The following PPL variants were observed in gnomAD, a reference collection of about 807,000 sequenced individuals.
The protein encoded by PPL is periplakin.
In PPL, 198 loss-of-function variants were observed where a neutral mutation model predicts 194.4. That is an observed-to-expected ratio of 1.02 (90% CI 0.91 to 1.15). PPL has a LOEUF of 1.15. Among genes scored for constraint, PPL ranks in the 50% most tolerant of loss-of-function variants. The pLI is 0.00. For synonymous variants in PPL, 1,220 were observed against 972.4 expected (o/e 1.25, Z -4.74); for missense variants, 2,885 against 2,294.8 (o/e 1.26, Z -5.25).
In PPL at chr16:4,905,860, T is replaced by G. The variant is rs190056405; in HGVS notation, c.163-1820A>C. Among the ~76,000 whole-genome samples, 242 of 152,204 alleles carry G rather than the reference T, an allele frequency of 1.6e-3. 2 individuals are homozygous for G. The highest frequency in any genetic ancestry group is 5.3e-3 in the African/African-American group (219 of 41,536). On this transcript the variant is annotated intron_variant, in intron 2 of 21. Coordinates refer to ENST00000345988, the MANE Select transcript of PPL (RefSeq NM_002705.5). ...TGGCTCATATCTGTAATCTTAACAC[T>G]TTGGGGGGCTGTGGCAGGAGGATGG...
chr16:4,888,925 G>A (rs1016325075), intron 19 of PPL, 53 bp downstream of exon 19: 90 of 1,552,720 alleles, frequency 5.8e-5, no homozygotes, highest in Non-Finnish European at 7.9e-5. Flanking sequence ...ACCAGGGCAC[G>A]GTGGAATAAG....
At chr16:4,910,024 C>A (rs1336221546) in intron 2 of PPL, among the ~76,000 whole-genome samples, 1 of 152,118 alleles carries the variant, frequency 6.6e-6, no homozygotes, top group East Asian at 1.9e-4. Flanking sequence ...CTCCAGGGTA[C>A]AAAACAGGCA....
At chr16:4,898,401 G>A (rs969160457) in intron 8 of PPL, among the ~76,000 whole-genome samples, 1 of 152,182 alleles carries the variant, frequency 6.6e-6, no homozygotes, top group East Asian at 1.9e-4. Flanking sequence ...TGGCATTGTG[G>A]GGGTTGGGAA....
At chr16:4,897,871 G>A (rs2088465603) in intron 8 of PPL, 101 bp from the exon 9 acceptor site, 7 of 867,836 alleles carry the variant, frequency 8.1e-6, no homozygotes, top group Non-Finnish European at 1.1e-5. Context: ...GGGGAGGGAG[G>A]CATCTGGCAT....
chr16:4,913,836 G>T (rs539364396), intron 1 of PPL, among the ~76,000 whole-genome samples: 1 of 152,254 alleles, frequency 6.6e-6, no homozygotes, highest in Non-Finnish European at 1.5e-5. Context: ...TAGGCACGCA[G>T]AAGTTGCCTT....
chr16:4,891,325 C>T (rs148062485), intron 16 of PPL: 2,284 of 177,782 alleles, frequency 0.013, 27 homozygotes, highest in Middle Eastern at 0.039. Context: ...GTAAGCAGGC[C>T]GAGAAGGCAG....
intron 1 of PPL, among the ~76,000 whole-genome samples, chr16:4,928,908 G>C (rs1206594353): frequency 6.6e-6 from 1 of 151,486 alleles, no homozygotes; most frequent in African/African-American, 2.4e-5. Flanking sequence ...CTACTTGGGA[G>C]GCTGAGGCAG....
intron 1 of PPL, among the ~76,000 whole-genome samples, chr16:4,915,029 G>A (rs1398854352): frequency 6.6e-6 from 1 of 152,210 alleles, no homozygotes; most frequent in East Asian, 1.9e-4. Flanking sequence ...GTTAGGGTCT[G>A]TACTGTGGCT....
At chr16:4,911,289 G>C (rs961696505) in intron 1 of PPL, among the ~76,000 whole-genome samples, 5 of 148,798 alleles carry the variant, frequency 3.4e-5, no homozygotes, top group African/African-American at 1.2e-4. Flanking sequence ...AGCCTCCCCA[G>C]TAGCTGAGAT....
At chr16:4,935,963 G>A (rs2080172) in intron 1 of PPL, among the ~76,000 whole-genome samples, 6,000 of 152,274 alleles carry the variant, frequency 0.039, 185 homozygotes, top group Middle Eastern at 0.1. Context: ...TGGCAAAATG[G>A]TCCTTGCTAG....
At position 4,893,335 on chromosome 16, in the gene PPL, C is replaced by G. The variant is rs1300854884; in HGVS notation, c.1528G>C (p.Gly510Arg). 6.2e-7 allele frequency: 1 copy of G among 1,608,422 alleles called. No individual in the cohort carries two copies. Among genetic ancestry groups the G allele is most frequent in the East Asian group, 2.2e-5 (1 of 44,876 alleles). ...SDLQGRQLLAGLDKVASDLDR... is the reference protein window; with the variant it reads ...SDLQGRQLLARLDKVASDLDR... The stretch of plus-strand genomic sequence containing the variant: ...AGGTCGCTGGCCACCTTGTCCAAGC[C>G]AGCCAGCAGCTGCCGCCCCTGTAGG... The change falls in exon 14 of 22, where the codon GGC becomes CGC. Residue 510 changes from glycine (G) to arginine (R), a missense_variant. Physicochemically the swap from Gly to Arg is moderately radical, Grantham distance 125. Transcript: ENST00000345988.
In PPL at chr16:4,893,266, G is replaced by A. The variant is rs146220570; in HGVS notation, c.1597C>T (p.Leu533=). ...KAITGILRPP[L]EQGRAVQDSA... is the part of the protein sequence containing the mutation. ...TCCTGCACAGCCCGGCCTTGCTCCA[G>A]TGGTGGCCGCAGGATCCCTGTGATG... The change falls in exon 14 of 22, where the codon CTG becomes TTG. Residue 533 remains leucine (L), a synonymous_variant. Transcript: ENST00000345988. 1.0e-5 allele frequency: 16 copies of A among 1,598,082 alleles called. No individual in the cohort carries two copies. The Admixed American group carries it at 2.6e-4, about 25-fold the overall frequency.
At chr16:4,894,399 A>G in intron 12 of PPL, 68 bp downstream of exon 12, 1 of 1,569,280 alleles carries the variant, frequency 6.4e-7, no homozygotes, top group Non-Finnish European at 8.7e-7. Flanking sequence ...CCCCGGGGCT[A>G]TGAATGGGGC....
Position 4,893,583 on chromosome 16 carries a change from G to A in PPL, c.1450C>T (p.Leu484=). 2.5e-6 allele frequency: 4 copies of A among 1,611,530 alleles called. No individual in the cohort carries two copies. Among genetic ancestry groups the A allele is most frequent in the Non-Finnish European group, 3.4e-6 (4 of 1,179,654 alleles). ...RQKAAGSKRT[L]QQRYEVLKTE... is the part of the protein sequence containing the mutation. ...TTCAGCACCTCATACCGCTGCTGCA[G>A]CGTGCGTTTGCTCCCAGCTGCCTTC... The change falls in exon 13 of 22, where the codon CTG becomes TTG. Residue 484 remains leucine, a synonymous_variant. Transcript: ENST00000345988.
chr16:4,903,837 C>T, intron 3 of PPL, 49 bp downstream of exon 3: 1 of 1,605,252 alleles, frequency 6.2e-7, no homozygotes, highest in Middle Eastern at 1.7e-4. Flanking sequence ...CCCGCCCTGG[C>T]CCATAGCCCC....
Position 4,883,139 on chromosome 16 carries a change from G to A in PPL, c.*245C>T, listed in dbSNP as rs746784929. On this transcript the variant is annotated 3_prime_UTR_variant, in exon 22 of 22. Transcript: ENST00000345988. This position sits in a 1 kb window ranked among gnomAD's most constrained non-coding sequence, Gnocchi z 4.8. ...ACAGGAAAAGGGAGGAAAAGGCATCGCAGTTGTCCAGTCATTGGAGGATGA... is the reference window on the plus strand; with the variant it reads ...ACAGGAAAAGGGAGGAAAAGGCATCACAGTTGTCCAGTCATTGGAGGATGA... 7.7e-6 allele frequency: 4 copies of A among 519,374 alleles called. No homozygotes were observed. Among genetic ancestry groups the A allele is most frequent in the Non-Finnish European group, 1.0e-5 (3 of 290,574 alleles). 32.2% of individuals were successfully genotyped at this position (519,374 alleles called of 1,614,324 possible).
chr16:4,893,452 C>T lies in PPL; in HGVS notation c.1493-82G>A, dbSNP rs2088358884. The T allele has an allele frequency of 2.5e-6, 4 of 1,588,426 alleles. No individual in the cohort carries two copies. The South Asian group carries it at 3.3e-5, about 13-fold the overall frequency. ...CAGGGATGGACCTAGGCAGCCAGCCCCCCGCCGTCTCATCCACAGCACAGA... is the reference window on the plus strand; with the variant it reads ...CAGGGATGGACCTAGGCAGCCAGCCTCCCGCCGTCTCATCCACAGCACAGA... On this transcript the variant is annotated intron_variant, in intron 13 of 21. Transcript: ENST00000345988.
chr16:4,895,498 G>A lies in PPL; in HGVS notation c.1096-91C>T, dbSNP rs1055636369. 9.4e-6 allele frequency: 15 copies of A among 1,602,274 alleles called. No individual in the cohort carries two copies. In the African/African-American group the frequency reaches 1.9e-4, roughly 20 times the overall value. On this transcript the variant is annotated intron_variant, in intron 10 of 21. Coordinates refer to ENST00000345988, the MANE Select transcript of PPL (RefSeq NM_002705.5). ...AGCAGGGGCTGGATTCAGCAGGTGG[G>A]GTGCTGTGGAGGGGCCTGTACAGGG...
chr16:4,909,277 C>G (rs1003220338), intron 2 of PPL, among the ~76,000 whole-genome samples: 1 of 152,164 alleles, frequency 6.6e-6, no homozygotes, highest in African/African-American at 2.4e-5. Context: ...TGTGGACAGG[C>G]CTTCAGAGGG....
Sources: gnomAD v4.1 joint callset for allele counts (sites outside exome capture counted in the v4.1 genomes callset) on GRCh38, gnomAD v4.1.1 for gene constraint, Gnocchi (gnomAD v3.1) non-coding constraint, MANE v1.5 for transcripts, NCBI Gene and HGNC (gene_info 2026-07-23, HGNC 2026-07-21) for gene names.